The following NXF3 variants were observed in gnomAD, a reference collection of about 807,000 sequenced individuals.
NXF3 encodes the protein nuclear RNA export factor 3, also known as TAP-like protein 3.
Under a neutral mutation model 48.4 loss-of-function variants are expected in NXF3, and 34 were observed. The observed-to-expected ratio is 0.70, with a 90% CI of 0.53 to 0.93. The LOEUF is 0.93. NXF3 is among the 40% of genes least tolerant of loss of function. The pLI, the probability that NXF3 is intolerant of heterozygous loss-of-function variation, is 0.00. For synonymous variants in NXF3, 132 were observed against 145.7 expected, an observed-to-expected ratio of 0.91 and a Z score of 0.68; for missense variants, 359 against 406.1, an observed-to-expected ratio of 0.88 and a Z score of 1.00.
At chrX:103,089,270 G>A in intron 1 of NXF3, 1 of 494,142 alleles carries the variant, frequency 2.0e-6, no homozygotes, top group Non-Finnish European at 3.5e-6. Context: ...CCTTGGATTC[G>A]GTTATGTAAA....
intron 1 of NXF3, chrX:103,088,682 T>G: frequency 1.1e-6 from 1 of 938,353 alleles, no homozygotes; most frequent in Non-Finnish European, 1.5e-6. Flanking sequence ...AAAAAGACAC[T>G]ATTTAGTTCA....
intron 1 of NXF3, 22 bp downstream of exon 1, chrX:103,092,974 A>C (rs1370412981): frequency 2.5e-6 from 3 of 1,205,824 alleles, no homozygotes; most frequent in Non-Finnish European, 3.4e-6. Context: ...CTGAGACTCC[A>C]GCCTCATGCT....
At chrX:103,077,541 C>G in intron 18 of NXF3, 73 bp downstream of exon 18, 1 of 1,152,529 alleles carries the variant, frequency 8.7e-7, no homozygotes, top group East Asian at 3.1e-5. Flanking sequence ...CGTGAGCCAC[C>G]GCGCCCGGCC....
chrX:103,083,184 CTG>C lies in NXF3; in HGVS notation c.621+7_621+8del. On this transcript the variant is annotated splice_region_variant and intron_variant, in intron 6 of 19. Transcript: ENST00000395065. ...TTTGTGTGAACAACTTGCCATGAGT[CTG>C]TGTTACCTTTATCTGCTCCACCTTT... The C allele has an allele frequency of 1.7e-6, 2 of 1,209,646 alleles. No individual in the cohort carries two copies. The highest frequency in any genetic ancestry group is 2.2e-6 in the Non-Finnish European group (2 of 893,891).
rs890915837 is a variant in NXF3, at chrX:103,075,951, G to C, written c.*99C>G. On this transcript the variant is annotated 3_prime_UTR_variant, in exon 20 of 20. Coordinates refer to ENST00000395065, the MANE Select transcript of NXF3 (RefSeq NM_022052.2). The stretch of plus-strand genomic sequence containing the variant: ...GAGTCAGCCCTGTGAGTTGGGCTTC[G>C]GCTTCTTAGCCCCAGCCAGATCTCC... 1 of 269,807 alleles carries C rather than the reference G, an allele frequency of 3.7e-6. No individual in the cohort carries two copies. Among genetic ancestry groups the C allele is most frequent in the Non-Finnish European group, 6.6e-6 (1 of 151,382 alleles). The allele number at this position is 269,807 out of a possible 1,213,427, so 22.2% of individuals were successfully genotyped here.
chrX:103,082,128 A>T (rs1922029869), intron 9 of NXF3, 127 bp downstream of exon 9: 1 of 532,193 alleles, frequency 1.9e-6, no homozygotes, highest in African/African-American at 2.3e-5. Context: ...ACACAGAGAG[A>T]GGAGTGGGGC....
intron 18 of NXF3, 87 bp downstream of exon 18, chrX:103,077,527 C>T: frequency 9.2e-7 from 1 of 1,081,434 alleles, no homozygotes; most frequent in Non-Finnish European, 1.3e-6. Flanking sequence ...GCTGGGATTA[C>T]AGGCGTGAGC....
intron 16 of NXF3, 138 bp downstream of exon 16, chrX:103,079,083 G>T: frequency 1.5e-6 from 1 of 679,595 alleles, no homozygotes; most frequent in East Asian, 3.2e-5. Context: ...TGTGGGCAGA[G>T]TTGGGGTGGG....
At chrX:103,076,882 G>A (rs1264589819) in intron 18 of NXF3, among the ~76,000 whole-genome samples, 6 of 109,569 alleles carry the variant, frequency 5.5e-5, no homozygotes, top group African/African-American at 1.0e-4. Context: ...TCCCCCTTAC[G>A]TGAAAATTGT....
chrX:103,080,456 C>A, intron 10 of NXF3, 120 bp downstream of exon 10: 1 of 769,871 alleles, frequency 1.3e-6, no homozygotes, highest in South Asian at 2.3e-5. Context: ...TCCCCCACTC[C>A]CTTGAGGTTT....
At chrX:103,078,767 G>C (rs1921934260) in intron 16 of NXF3, 135 bp from the exon 17 acceptor site, 2 of 996,843 alleles carry the variant, frequency 2.0e-6, no homozygotes, top group East Asian at 6.1e-5. Context: ...CTTGGAGTGA[G>C]GCGGATGTGG....
At chrX:103,080,649 G>A in intron 9 of NXF3, 37 bp from the exon 10 acceptor site, 1 of 1,179,739 alleles carries the variant, frequency 8.5e-7, no homozygotes, top group South Asian at 1.8e-5. Flanking sequence ...AACGGTAAGT[G>A]AAACTGTGGA....
rs1266541030 is a variant in NXF3 at position 103,091,425 on chromosome X, A to G, written c.28+1571T>C. ...AAATAATACAAATAAAAAATACAATATAACTGTTATTTAAATAGCATTTAC... is the reference window on the plus strand; with the variant it reads ...AAATAATACAAATAAAAAATACAATGTAACTGTTATTTAAATAGCATTTAC... On this transcript the variant is annotated intron_variant, in intron 1 of 19. Coordinates refer to ENST00000395065, the MANE Select transcript of NXF3 (RefSeq NM_022052.2). 4.5e-5 allele frequency among the ~76,000 whole-genome samples: 5 copies of G among 112,298 alleles called. No homozygotes were observed. The East Asian group carries it at 1.4e-3, about 31-fold the overall frequency.
At chrX:103,076,966 G>A (rs939736821) in intron 18 of NXF3, among the ~76,000 whole-genome samples, 1 of 110,836 alleles carries the variant, frequency 9.0e-6, no homozygotes, top group Admixed American at 9.6e-5. Context: ...GCATAGACCT[G>A]TCTCCCGGGC....
intron 1 of NXF3, among the ~76,000 whole-genome samples, chrX:103,085,534 A>G (rs1351661330): frequency 8.9e-6 from 1 of 112,374 alleles, no homozygotes; most frequent in Admixed American, 9.4e-5. Context: ...GCTGAAGAAA[A>G]TATCCAGAAT....
intron 1 of NXF3, 68 bp from the exon 2 acceptor site, chrX:103,084,951 A>G: frequency 2.0e-6 from 2 of 994,273 alleles, no homozygotes; most frequent in Non-Finnish European, 2.8e-6. Context: ...TATAATGGAT[A>G]ATGAAAAAAT....
At chrX:103,080,463 G>A (rs748098042) in intron 10 of NXF3, 113 bp downstream of exon 10, 1 of 812,299 alleles carries the variant, frequency 1.2e-6, no homozygotes, top group Non-Finnish European at 1.9e-6. Context: ...CTCCCTTGAG[G>A]TTTAAGGGTT....
intron 1 of NXF3, among the ~76,000 whole-genome samples, chrX:103,087,029 G>A (rs1323159807): frequency 8.9e-6 from 1 of 112,205 alleles, no homozygotes; most frequent in Non-Finnish European, 1.9e-5. Flanking sequence ...GGTCAGACCT[G>A]CCTCAATTCC....
chrX:103,088,581 GT>G, intron 1 of NXF3: 1 of 1,060,981 alleles, frequency 9.4e-7, no homozygotes, highest in Non-Finnish European at 1.3e-6. Flanking sequence ...CTTCAGTGTG[GT>G]TTTTCAGTTC....
Sources: allele counts gnomAD v4.1 joint callset (sites outside exome capture counted in the v4.1 genomes callset), GRCh38; gene constraint gnomAD v4.1.1; transcripts MANE v1.5; gene names NCBI Gene and HGNC (gene_info 2026-07-23, HGNC 2026-07-21).